Variants in LRRC63 observed in about 807,000 individuals in gnomAD.
LRRC63 encodes leucine rich repeat containing 63, also known as leucine-rich repeat-containing protein 63.
A neutral mutation model predicts 49.5 loss-of-function variants in LRRC63; 40 were observed. The ratio of observed to expected loss-of-function variants is 0.81; its 90% CI spans 0.63 to 1.05. LRRC63 has a LOEUF of 1.05. Among genes scored for constraint, LRRC63 ranks in the 50% least tolerant of loss-of-function variants. The pLI, the probability that LRRC63 is intolerant of heterozygous loss-of-function variation, is 0.00. For missense variants in LRRC63, 636 were observed against 663.1 expected, an observed-to-expected ratio of 0.96 and a Z score of 0.45; for synonymous variants, 191 against 221.1, an observed-to-expected ratio of 0.86 and a Z score of 1.21.
intron 9 of LRRC63, among the ~76,000 whole-genome samples, chr13:46,268,028 A>T (rs1284043877): frequency 6.6e-6 from 1 of 152,230 alleles, no homozygotes; most frequent in Non-Finnish European, 1.5e-5. Flanking sequence ...TCAAATGAAT[A>T]TTAGCTCACA....
intron 7 of LRRC63, among the ~76,000 whole-genome samples, chr13:46,253,866 A>C (rs928621078): frequency 4.6e-5 from 7 of 152,188 alleles, no homozygotes; most frequent in African/African-American, 1.7e-4. Flanking sequence ...TGTTGATTTT[A>C]GATTTCTGTT....
At chr13:46,270,022 C>A in intron 9 of LRRC63, 1 of 453,204 alleles carries the variant, frequency 2.2e-6, no homozygotes, top group Non-Finnish European at 4.1e-6. Flanking sequence ...TTTTTCTATA[C>A]ATGCATATCT....
intron 8 of LRRC63, 55 bp from the exon 9 acceptor site, chr13:46,266,678 T>G (rs2047688060): frequency 7.1e-7 from 1 of 1,410,672 alleles, no homozygotes; most frequent in Non-Finnish European, 9.4e-7. Context: ...AGAATTTTAC[T>G]TTAATATTAT....
At chr13:46,262,458 T>C (rs2047628614) in intron 8 of LRRC63, among the ~76,000 whole-genome samples, 2 of 152,126 alleles carry the variant, frequency 1.3e-5, no homozygotes, top group South Asian at 2.1e-4. Flanking sequence ...AGTAGGGAGA[T>C]TATTTTTCAG....
At chr13:46,234,727 A>T (rs147276887) in intron 5 of LRRC63, among the ~76,000 whole-genome samples, 137 of 152,302 alleles carry the variant, frequency 9.0e-4, no homozygotes, top group South Asian at 1.9e-3. Context: ...TTTGTTAAGT[A>T]TCCACTATGT....
intron 2 of LRRC63, among the ~76,000 whole-genome samples, chr13:46,216,332 C>T (rs2046250914): frequency 6.6e-6 from 1 of 152,174 alleles, no homozygotes; most frequent in African/African-American, 2.4e-5. Context: ...AGGTCCTTCA[C>T]CTCCCTTGTA....
chr13:46,276,828 G>GTATATATATATATATATATATATATT lies in LRRC63; in HGVS notation c.*48_*49insATTTATATATATATATATATATATAT, dbSNP rs375853565. 5.1e-5 allele frequency: 7 copies of GTATATATATATATATATATATATATT among 138,532 alleles called. No individual in the cohort carries two copies. The Admixed American group carries it at 6.4e-4, about 13-fold the overall frequency. 8.6% of individuals were successfully genotyped at this position (138,532 alleles called of 1,614,324 possible). On this transcript the variant is annotated 3_prime_UTR_variant, in exon 10 of 10. Coordinates refer to ENST00000595396, the Ensembl canonical transcript of LRRC63. Reference sequence around the variant, plus strand: ...GTACAATGATTTATCGTATGTGTGTGTATATATATATATATATATATATTT... The same window carrying GTATATATATATATATATATATATATT: ...GTACAATGATTTATCGTATGTGTGTGTATATATATATATATATATATATATTTATATATATATATATATATATATTT...
chr13:46,235,301 G>T (rs1483465940), intron 5 of LRRC63, among the ~76,000 whole-genome samples: 1 of 152,096 alleles, frequency 6.6e-6, no homozygotes, highest in Non-Finnish European at 1.5e-5. Context: ...CAAGTTAAAG[G>T]AGCAGAGATT....
At chr13:46,270,743 C>G (rs2047746904) in intron 9 of LRRC63, 2 of 514,194 alleles carry the variant, frequency 3.9e-6, no homozygotes, top group Non-Finnish European at 7.2e-6. Context: ...CCGAGGAGGC[C>G]TGGTGCTTCA....
chr13:46,229,623 CA>C (rs1354908947), intron 4 of LRRC63, among the ~76,000 whole-genome samples: 2 of 152,034 alleles, frequency 1.3e-5, no homozygotes, highest in African/African-American at 2.4e-5. Context: ...GAAGGTGAAT[CA>C]AAAAATCTGC....
chr13:46,224,306 A>T (rs1443774226), intron 2 of LRRC63, among the ~76,000 whole-genome samples: 2 of 152,156 alleles, frequency 1.3e-5, no homozygotes, highest in Non-Finnish European at 2.9e-5. Context: ...CGTGTCATCA[A>T]GTTCTGAGAT....
intron 5 of LRRC63, among the ~76,000 whole-genome samples, chr13:46,236,341 G>T (rs758012961): frequency 2.3e-4 from 35 of 152,136 alleles, no homozygotes; most frequent in Non-Finnish European, 4.4e-4. Context: ...CTCCAAGAAG[G>T]ATAATTGCCA....
intron 2 of LRRC63, among the ~76,000 whole-genome samples, chr13:46,219,080 T>G (rs990998963): frequency 6.6e-6 from 1 of 152,188 alleles, no homozygotes; most frequent in African/African-American, 2.4e-5. Context: ...TTATGTGTCT[T>G]GGGGTTGCTC....
chr13:46,273,257 A>G (rs1483784265), intron 9 of LRRC63, among the ~76,000 whole-genome samples: 2 of 152,156 alleles, frequency 1.3e-5, no homozygotes, highest in Non-Finnish European at 2.9e-5. Flanking sequence ...AAATGGGAAA[A>G]GAGGGATGTG....
chr13:46,276,456 A>C, intron 9 of LRRC63, 134 bp from the exon 10 acceptor site: 1 of 402,920 alleles, frequency 2.5e-6, no homozygotes, highest in Non-Finnish European at 4.3e-6. Flanking sequence ...TCTTTCACTT[A>C]ATGGGTAGCA....
chr13:46,266,772 T>C (rs1464872625), exon 9 of LRRC63: 1 of 1,549,626 alleles, frequency 6.5e-7, no homozygotes, highest in Non-Finnish European at 8.7e-7. Flanking sequence ...ATGAACTGAG[T>C]TTTTTCCCCC....
At chr13:46,255,645 A>AAAAAAAAAAAAAT (rs1555328641) in intron 7 of LRRC63, among the ~76,000 whole-genome samples, 11 of 129,466 alleles carry the variant, frequency 8.5e-5, no homozygotes, top group African/African-American at 2.9e-4. Context: ...CCCTGCCTCA[A>AAAAAAAAAAAAAT]ATATATATAT....
chr13:46,275,644 T>C (rs2047825124), intron 9 of LRRC63, among the ~76,000 whole-genome samples: 1 of 121,380 alleles, frequency 8.2e-6, no homozygotes, highest in Admixed American at 8.8e-5. Flanking sequence ...TCTTTGATCA[T>C]TTTAAAATCA....
chr13:46,217,890 G>T (rs2046298684), intron 2 of LRRC63, among the ~76,000 whole-genome samples: 1 of 152,188 alleles, frequency 6.6e-6, no homozygotes, highest in South Asian at 2.1e-4. Flanking sequence ...GTGGCAGGTT[G>T]TTCAGTTTCC....
Sources: gnomAD v4.1 joint callset for allele counts (sites outside exome capture counted in the v4.1 genomes callset) on GRCh38, gnomAD v4.1.1 for gene constraint, MANE v1.5 for transcripts, NCBI Gene and HGNC (gene_info 2026-07-23, HGNC 2026-07-21) for gene names.